ELAVL4: variants seen among roughly 807,000 people sequenced by gnomAD.
The protein encoded by ELAVL4 is ELAV-like protein 4.
Under a neutral mutation model 35.6 loss-of-function variants are expected in ELAVL4, and 1 was observed. The observed-to-expected ratio is 0.03, with a 90% CI of 0.01 to 0.13. The LOEUF (loss-of-function observed/expected upper bound fraction) is 0.13. Among genes scored for constraint, ELAVL4 ranks in the 10% least tolerant of loss-of-function variants. ELAVL4 has a pLI of 1.00. For synonymous variants in ELAVL4, 156 were observed against 171.0 expected, an observed-to-expected ratio of 0.91 and a Z score of 0.69; for missense variants, 267 against 464.9, an observed-to-expected ratio of 0.57 and a Z score of 3.91.
chr1:50,059,828 A>G (rs1370131635), intron 1 of ELAVL4, among the ~76,000 whole-genome samples: 1 of 151,642 alleles, frequency 6.6e-6, no homozygotes, highest in African/African-American at 2.4e-5. Context: ...AACCTCCAAA[A>G]CATAAGTGAA....
intron 1 of ELAVL4, among the ~76,000 whole-genome samples, chr1:50,096,837 G>C (rs1299892104): frequency 1.3e-5 from 2 of 152,056 alleles, no homozygotes; most frequent in Non-Finnish European, 2.9e-5. Flanking sequence ...GAGTATCTTT[G>C]GACTTAATCA....
At chr1:50,109,907 C>G in intron 1 of ELAVL4, 1 of 1,611,924 alleles carries the variant, frequency 6.2e-7, no homozygotes, top group Non-Finnish European at 8.5e-7. Context: ...GCTTTTGACA[C>G]ACTGTGTGAG....
intron 1 of ELAVL4, among the ~76,000 whole-genome samples, chr1:50,120,285 A>T (rs1214044714): frequency 6.6e-6 from 1 of 151,920 alleles, no homozygotes; most frequent in African/African-American, 2.4e-5. Context: ...ATTTGAGTAG[A>T]GCCAGGGAAA....
chr1:50,200,661 G>A, intron 6 of ELAVL4, 190 bp from the exon 7 acceptor site: 1 of 1,188,528 alleles, frequency 8.4e-7, no homozygotes. Flanking sequence ...ACATGCCCTA[G>A]CCAGTCAAGC....
Position 50,148,855 on chromosome 1 carries a change from A to ATTTTGG in ELAVL4, c.250+3670_250+3675dup, listed in dbSNP as rs993543530. On this transcript the variant is annotated intron_variant, in intron 2 of 6. Transcript: ENST00000371824. ...TTTCTTATTTTTTTGTTTTGTTACC[A>ATTTTGG]TTTTGGTTTTGGTTTTGTTTTGTAA... Among the ~76,000 whole-genome samples the ATTTTGG allele has an allele frequency of 5.4e-4, 82 of 152,132 alleles. 1 individual carries two copies. The highest frequency in any genetic ancestry group is 1.8e-3 in the African/African-American group (76 of 41,510).
At chr1:50,059,678 T>C (rs1663859509) in intron 1 of ELAVL4, among the ~76,000 whole-genome samples, 1 of 152,200 alleles carries the variant, frequency 6.6e-6, no homozygotes, top group South Asian at 2.1e-4. Context: ...AGAGGCATTA[T>C]TCATAAATGG....
At chr1:50,104,080 A>G (rs567331651), upstream of ELAVL4, 1 of 1,518,286 alleles carries the variant, frequency 6.6e-7, no homozygotes, top group African/African-American at 1.4e-5. Context: ...GATTTGCCTT[A>G]GGGTAACAAG....
intron 1 of ELAVL4, among the ~76,000 whole-genome samples, chr1:50,095,976 G>A (rs918238334): frequency 1.3e-5 from 2 of 152,080 alleles, no homozygotes; most frequent in South Asian, 2.1e-4. Flanking sequence ...AATACCTTCC[G>A]TTGGTAGAGC....
At chr1:50,139,425 C>T (rs1034893510) in intron 1 of ELAVL4, among the ~76,000 whole-genome samples, 1 of 152,114 alleles carries the variant, frequency 6.6e-6, no homozygotes, top group Non-Finnish European at 1.5e-5. Context: ...TCTGGTCCTC[C>T]ACTTTAAAAT....
chr1:50,113,830 A>AGAC (rs1667494634), intron 1 of ELAVL4, among the ~76,000 whole-genome samples: 1 of 152,070 alleles, frequency 6.6e-6, no homozygotes, highest in South Asian at 2.1e-4. Flanking sequence ...AGAAGCAGAG[A>AGAC]GACTCTGTGT....
At chr1:50,134,892 G>T (rs1214726403) in intron 1 of ELAVL4, among the ~76,000 whole-genome samples, 1 of 152,086 alleles carries the variant, frequency 6.6e-6, no homozygotes. Context: ...GGCCCAAAAT[G>T]AAGCTCTAAA....
At chr1:50,120,796 G>C (rs1009693086) in intron 1 of ELAVL4, among the ~76,000 whole-genome samples, 1 of 152,032 alleles carries the variant, frequency 6.6e-6, no homozygotes, top group African/African-American at 2.4e-5. Flanking sequence ...ACTTCAGATT[G>C]TAAAGAAGTG....
intron 3 of ELAVL4, among the ~76,000 whole-genome samples, chr1:50,193,366 G>T (rs1006524061): frequency 4.6e-4 from 67 of 145,328 alleles, no homozygotes; most frequent in African/African-American, 1.7e-3. Context: ...ATTTCATGAG[G>T]TTTTTTTTTT....
At chr1:50,113,445 T>A (rs537067147) in intron 1 of ELAVL4, among the ~76,000 whole-genome samples, 27 of 152,262 alleles carry the variant, frequency 1.8e-4, no homozygotes, top group African/African-American at 6.5e-4. Context: ...TCATCATACA[T>A]AGACGAAAGT....
At chr1:50,067,775 A>G (rs1352189809) in intron 1 of ELAVL4, among the ~76,000 whole-genome samples, 1 of 152,232 alleles carries the variant, frequency 6.6e-6, no homozygotes, top group Non-Finnish European at 1.5e-5. Context: ...ATTGACTCAC[A>G]GTTCCACATG....
At chr1:50,103,737 C>T (rs1666107587), upstream of ELAVL4, among the ~76,000 whole-genome samples, 1 of 152,152 alleles carries the variant, frequency 6.6e-6, no homozygotes, top group Non-Finnish European at 1.5e-5. Context: ...TGAAGAAGGG[C>T]CAGCAATTAT....
At chr1:50,064,924 T>G (rs1664187054) in intron 1 of ELAVL4, among the ~76,000 whole-genome samples, 1 of 152,168 alleles carries the variant, frequency 6.6e-6, no homozygotes, top group Admixed American at 6.6e-5. Flanking sequence ...TGGGTTTAAC[T>G]GCTTTGAAGC....
At chr1:50,120,238 G>GCTTACTATAATATATTTTAAATACTA (rs1668799049) in intron 1 of ELAVL4, among the ~76,000 whole-genome samples, 1 of 151,906 alleles carries the variant, frequency 6.6e-6, no homozygotes, top group African/African-American at 2.4e-5. Flanking sequence ...ATTAGTTCTT[G>GCTTACTATAATATATTTTAAATACTA]TTGGGGGAAG....
chr1:50,149,682 T>C (rs1301408369), intron 2 of ELAVL4, among the ~76,000 whole-genome samples: 3 of 151,520 alleles, frequency 2.0e-5, no homozygotes, highest in African/African-American at 7.3e-5. Flanking sequence ...TAACTGGGAC[T>C]ACAGGCACCC....
Sources: gnomAD v4.1 joint callset for allele counts (sites outside exome capture counted in the v4.1 genomes callset) on GRCh38, gnomAD v4.1.1 for gene constraint, MANE v1.5 for transcripts, NCBI Gene and HGNC (gene_info 2026-07-23, HGNC 2026-07-21) for gene names.